The following SZT2 variants were observed in gnomAD, a reference collection of about 807,000 sequenced individuals.
The protein encoded by SZT2 is SZT2 subunit of KICSTOR complex, also known as KICSTOR complex protein SZT2.
A neutral mutation model predicts 404.2 loss-of-function variants in SZT2; 216 were observed. The observed-to-expected ratio is 0.53, with a 90% CI of 0.48 to 0.60. The LOEUF is 0.60. Ranked by LOEUF, SZT2 falls within the 20% of genes least tolerant of loss-of-function variation. The pLI is 0.00. For synonymous variants in SZT2, 1,693 were observed against 1,749.9 expected (o/e 0.97, Z 0.81); for missense variants, 3,857 against 4,459.2 (o/e 0.86, Z 3.85).
At position 43,442,947 on chromosome 1, in the gene SZT2, C is replaced by T. The variant is rs1186640842; in HGVS notation, c.8280C>T (p.Asp2760=). 1.9e-6 allele frequency: 3 copies of T among 1,614,052 alleles called. No homozygotes were observed. The highest frequency in any genetic ancestry group is 3.3e-5 in the Admixed American group (2 of 60,004). The part of the protein sequence containing the change: ...SSRGGGPLPL[D]TFPFDEALRD... Reference sequence around the variant, plus strand: ...GTGGTGGGGGTCCTCTTCCCCTGGACACATTCCCCTTTGACGAGGCCCTAA... The same window carrying T: ...GTGGTGGGGGTCCTCTTCCCCTGGATACATTCCCCTTTGACGAGGCCCTAA... Residue 2760 remains aspartate, a synonymous_variant, in exon 59 of 72, where the codon GAC becomes GAT. Coordinates refer to ENST00000634258, the MANE Select transcript of SZT2 (RefSeq NM_001365999.1). The surrounding 1 kb of genome is among the most constrained non-coding windows in gnomAD (Gnocchi z 4.5).
At chr1:43,407,827 CTTTTT>C (rs1273177130) in intron 4 of SZT2, among the ~76,000 whole-genome samples, 1 of 94,462 alleles carries the variant, frequency 1.1e-5, no homozygotes, top group African/African-American at 3.8e-5. Context: ...AAATTCTAAC[CTTTTT>C]TTTTTTTTTT....
intron 26 of SZT2, 94 bp from the exon 27 acceptor site, chr1:43,427,909 G>A (rs866851506): frequency 7.6e-7 from 1 of 1,317,010 alleles, no homozygotes; most frequent in Non-Finnish European, 1.1e-6. Context: ...CTTGATATGT[G>A]TCTATAGATG....
At position 43,390,006 on chromosome 1, in the gene SZT2, G is replaced by C. The variant is rs764065507; in HGVS notation, c.27+11G>C. The stretch of plus-strand genomic sequence containing the variant: ...CGCCCGGAGCCGGAGGTGAGGGGCG[G>C]GCGGGCGCAGCACTGGGCCCCGAGA... On this transcript the variant is annotated intron_variant, in intron 1 of 71. Coordinates refer to ENST00000634258, the MANE Select transcript of SZT2 (RefSeq NM_001365999.1). The C allele has an allele frequency of 7.2e-7, 1 of 1,386,336 alleles. No individual in the cohort carries two copies. Among genetic ancestry groups the C allele is most frequent in the Non-Finnish European group, 9.3e-7 (1 of 1,074,048 alleles). The allele number at this position is 1,386,336 out of a possible 1,614,324, so 85.9% of individuals were successfully genotyped here.
intron 28 of SZT2, chr1:43,428,692 A>T: frequency 1.6e-6 from 1 of 628,568 alleles, no homozygotes; most frequent in Non-Finnish European, 2.7e-6. Flanking sequence ...GGCTCTCCCC[A>T]TCTCCCCTGC....
chr1:43,424,524 CCTCT>C lies in SZT2; in HGVS notation c.2471+95_2471+98del. 5 of 1,294,578 alleles carry C rather than the reference CCTCT, an allele frequency of 3.9e-6. No individual in the cohort carries two copies. The highest frequency in any genetic ancestry group is 5.4e-6 in the Non-Finnish European group (5 of 925,004). 80.2% of individuals were successfully genotyped at this position (1,294,578 alleles called of 1,614,324 possible). A position where few individuals can be genotyped will look rare whatever the true frequency, so the allele number is the denominator to read the frequency against. Reference sequence around the variant, plus strand: ...CAAAAAGCCTATAGCACACACTTCTCCTCTCTAATTCCCAGTCTGAAGTATAGAG... The same window carrying C: ...CAAAAAGCCTATAGCACACACTTCTCCTAATTCCCAGTCTGAAGTATAGAG... On this transcript the variant is annotated intron_variant, in intron 16 of 71. Coordinates refer to ENST00000634258, the MANE Select transcript of SZT2 (RefSeq NM_001365999.1). This position sits in a 1 kb window ranked among gnomAD's most constrained non-coding sequence, Gnocchi z 4.1.
intron 70 of SZT2, 127 bp from the exon 71 acceptor site, chr1:43,449,976 G>C (rs1557608967): frequency 9.0e-7 from 1 of 1,105,210 alleles, no homozygotes; most frequent in Non-Finnish European, 1.4e-6. Flanking sequence ...GGTCCTATGT[G>C]ACCTCAGGGT....
intron 1 of SZT2, 131 bp downstream of exon 1, chr1:43,390,126 C>T: frequency 9.3e-7 from 1 of 1,072,398 alleles, no homozygotes; most frequent in Non-Finnish European, 1.2e-6. Context: ...ACCAGCCCAG[C>T]CCGGAAGGCC....
Position 43,448,538 on chromosome 1 carries a change from G to A in SZT2, c.9969+54G>A, listed in dbSNP as rs762498092. On this transcript the variant is annotated intron_variant, in intron 69 of 71. Coordinates refer to ENST00000634258, the MANE Select transcript of SZT2 (RefSeq NM_001365999.1). The surrounding 1 kb of genome is among the most constrained non-coding windows in gnomAD (Gnocchi z 4.2). ...TGGGATAGGTGCCAGGAATTCCACT[G>A]GCAGCCAGGGCAGAGGGCACAGGAA... is the stretch of plus-strand genomic sequence containing the variant. 1.2e-6 allele frequency: 2 copies of A among 1,610,944 alleles called. No homozygotes were observed. Among genetic ancestry groups the A allele is most frequent in the African/African-American group, 2.7e-5 (2 of 74,806 alleles).
chr1:43,414,937 T>C, intron 4 of SZT2, 145 bp from the exon 5 acceptor site: 2 of 967,796 alleles, frequency 2.1e-6, no homozygotes, highest in South Asian at 1.8e-5. Flanking sequence ...AAGGGGGAAA[T>C]TGGCTGTGGA....
chr1:43,434,921 C>T (rs1654305349), intron 41 of SZT2, among the ~76,000 whole-genome samples: 1 of 152,174 alleles, frequency 6.6e-6, no homozygotes, highest in Admixed American at 6.5e-5. Context: ...AGGGATCTGA[C>T]CATCTGAAGT....
intron 14 of SZT2, 70 bp downstream of exon 14, chr1:43,422,953 C>T (rs1193291634): frequency 2.0e-6 from 3 of 1,505,114 alleles, no homozygotes; most frequent in Non-Finnish European, 2.7e-6. Context: ...TCCCCAAACC[C>T]CACAGGGCCA....
intron 30 of SZT2, 53 bp from the exon 31 acceptor site, chr1:43,430,258 G>T: frequency 6.3e-7 from 1 of 1,592,512 alleles, no homozygotes; most frequent in Non-Finnish European, 8.6e-7. Flanking sequence ...ACTTGCCTAG[G>T]ATGAGGCAAG....
Position 43,415,962 on chromosome 1 carries a change from A to G in SZT2, c.633A>G (p.Ala211=). ...GTCTTTTCTGTAACTTGGGGCAGGC[A>G]GAAGACCAGTCCCCAGACTCAGGGG... is the stretch of plus-strand genomic sequence containing the variant. The part of the protein sequence containing the change: ...LQQQYDPQSQ[A]EDQSPDSGDL... The change falls in exon 6 of 72, where the codon GCA becomes GCG. Residue 211 remains alanine, a splice_region_variant and synonymous_variant. Transcript: ENST00000634258. The G allele has an allele frequency of 6.3e-7, 1 of 1,596,928 alleles. No individual in the cohort carries two copies. Among genetic ancestry groups the G allele is most frequent in the Non-Finnish European group, 8.5e-7 (1 of 1,179,180 alleles).
chr1:43,437,490 A>T lies in SZT2; in HGVS notation c.6272A>T (p.Lys2091Met). The change falls in exon 44 of 72, where the codon AAG (lysine) becomes ATG (methionine). Residue 2091 changes from lysine (K) to methionine (M), a missense_variant. Lys to Met is a moderately conservative substitution (Grantham distance 95, BLOSUM62 -1). Coordinates refer to ENST00000634258, the MANE Select transcript of SZT2 (RefSeq NM_001365999.1). The surrounding 1 kb of genome is among the most constrained non-coding windows in gnomAD (Gnocchi z 5.3). Reference sequence around the variant, plus strand: ...TTTGTTTACCAGGAGCGAGCAACAAAGGCTGTGTACTATCTTCGGTATGTG... The same window carrying T: ...TTTGTTTACCAGGAGCGAGCAACAATGGCTGTGTACTATCTTCGGTATGTG... ...NMFVYQERATKAVYYLRLLET... is the reference protein window; with the variant it reads ...NMFVYQERATMAVYYLRLLET... 6.2e-7 allele frequency: 1 copy of T among 1,614,126 alleles called. No homozygotes were observed. Among genetic ancestry groups the T allele is most frequent in the Non-Finnish European group, 8.5e-7 (1 of 1,180,024 alleles).
chr1:43,424,467 A>G lies in SZT2; in HGVS notation c.2471+35A>G, dbSNP rs1184656665. 2.5e-6 allele frequency: 4 copies of G among 1,589,716 alleles called. No individual in the cohort carries two copies. In the South Asian group the frequency reaches 3.3e-5, roughly 13 times the overall value. On this transcript the variant is annotated intron_variant, in intron 16 of 71. Coordinates refer to ENST00000634258, the MANE Select transcript of SZT2 (RefSeq NM_001365999.1). The surrounding 1 kb of genome is among the most constrained non-coding windows in gnomAD (Gnocchi z 4.1). ...CCAAGCCTGCCAGGTCACTCGGGGC[A>G]AGGAGAGAGCAAGTGTAGACTGGGA...
In SZT2 at chr1:43,451,558, T is replaced by TG. The variant is rs1656424001; in HGVS notation, c.*1080dup. 2 of 1,613,460 alleles carry TG rather than the reference T, an allele frequency of 1.2e-6. No individual in the cohort carries two copies. The highest frequency in any genetic ancestry group is 3.3e-5 in the Admixed American group (2 of 60,006). On this transcript the variant is annotated 3_prime_UTR_variant, in exon 72 of 72. Coordinates refer to ENST00000634258, the MANE Select transcript of SZT2 (RefSeq NM_001365999.1). The stretch of plus-strand genomic sequence containing the variant: ...CCTGCACATGCCCTGGGGACAGATG[T>TG]GGACAAATGTGGGGTCCAGGCTCCT...
chr1:43,416,758 T>TG (rs1651767652), intron 7 of SZT2, 117 bp downstream of exon 7: 3 of 773,564 alleles, frequency 3.9e-6, no homozygotes, highest in Admixed American at 2.2e-5. Context: ...CTTAGTTACA[T>TG]GGGGGGAAGG....
chr1:43,426,589 C>T lies in SZT2; in HGVS notation c.3214+51C>T, dbSNP rs1431678370. ...CCAGACCCTGGCCCAGCCCTTTTCC[C>T]CCACCCTCACAGGGTGATTTCTGTC... is the stretch of plus-strand genomic sequence containing the variant. On this transcript the variant is annotated intron_variant, in intron 22 of 71. Coordinates refer to ENST00000634258, the MANE Select transcript of SZT2 (RefSeq NM_001365999.1). This position sits in a 1 kb window ranked among gnomAD's most constrained non-coding sequence, Gnocchi z 4.9. 7 of 1,513,384 alleles carry T rather than the reference C, an allele frequency of 4.6e-6. No homozygotes were observed. Among genetic ancestry groups the T allele is most frequent in the Admixed American group, 2.0e-5 (1 of 49,818 alleles). 93.7% of individuals were successfully genotyped at this position (1,513,384 alleles called of 1,614,324 possible).
chr1:43,451,620 G>C lies in SZT2; in HGVS notation c.*1140G>C. 7 of 1,614,068 alleles carry C rather than the reference G, an allele frequency of 4.3e-6. No individual in the cohort carries two copies. Among genetic ancestry groups the C allele is most frequent in the Non-Finnish European group, 5.9e-6 (7 of 1,179,954 alleles). On this transcript the variant is annotated 3_prime_UTR_variant, in exon 72 of 72. Transcript: ENST00000634258. Reference sequence around the variant, plus strand: ...AAGGACAGATGTGGGGATTGAAAGGGTGGGAGGGCAAAGGAAGGTCCTCTC... The same window carrying C: ...AAGGACAGATGTGGGGATTGAAAGGCTGGGAGGGCAAAGGAAGGTCCTCTC...
Sources: gnomAD v4.1 joint callset for allele counts (sites outside exome capture counted in the v4.1 genomes callset) on GRCh38, gnomAD v4.1.1 for gene constraint, Gnocchi (gnomAD v3.1) non-coding constraint, MANE v1.5 for transcripts, NCBI Gene and HGNC (gene_info 2026-07-23, HGNC 2026-07-21) for gene names.